Variants in TJP1 observed in about 807,000 individuals in gnomAD.
TJP1 encodes tight junction protein 1.
A neutral mutation model predicts 194.2 loss-of-function variants in TJP1; 43 were observed. That is an observed-to-expected ratio of 0.22 (90% CI 0.17 to 0.29). TJP1 has a LOEUF of 0.29. Ranked by LOEUF, TJP1 falls within the 10% of genes least tolerant of loss-of-function variation. The pLI, the probability that TJP1 is intolerant of heterozygous loss-of-function variation, is 1.00. For missense variants in TJP1, 1,971 were observed against 2,185.7 expected (o/e 0.90, Z 1.96); for synonymous variants, 801 against 779.0 (o/e 1.03, Z -0.47).
chr15:29,913,687 T>C (rs577929249), intron 2 of TJP1, among the ~76,000 whole-genome samples: 1 of 151,922 alleles, frequency 6.6e-6, no homozygotes, highest in East Asian at 1.9e-4. Context: ...AGAGGGAGGA[T>C]CTAAAGATGA....
At chr15:29,741,283 AT>A in intron 10 of TJP1, 47 bp downstream of exon 10, 1 of 1,379,058 alleles carries the variant, frequency 7.3e-7, no homozygotes, top group Non-Finnish European at 1.0e-6. Context: ...ACTCTGAATA[AT>A]GTTAATAATG....
At position 29,766,463 on chromosome 15, in the gene TJP1, C is replaced by T. The variant is rs1405131046; in HGVS notation, c.392G>A (p.Ser131Asn). 9.9e-6 allele frequency: 16 copies of T among 1,613,316 alleles called. No homozygotes were observed. Among genetic ancestry groups the T allele is most frequent in the Non-Finnish European group, 1.4e-5 (16 of 1,179,622 alleles). ...PEPVSDNEED[S>N]YDEEIHDPRS... The stretch of plus-strand genomic sequence containing the variant: ...TGGATCATGTATTTCCTCATCATAA[C>T]TATCTTCTTCATTATCAGATACTGG... Residue 131 changes from serine to asparagine, a missense_variant, in exon 5 of 28, where the codon AGT (serine) becomes AAT (asparagine). Ser to Asn is a conservative substitution (Grantham distance 46, BLOSUM62 1). Transcript: ENST00000614355.
intron 2 of TJP1, among the ~76,000 whole-genome samples, chr15:29,928,897 T>G (rs1195383793): frequency 1.3e-5 from 2 of 151,638 alleles, no homozygotes; most frequent in Non-Finnish European, 2.9e-5. Flanking sequence ...AGCCGAGATC[T>G]CGCCATTGCA....
At chr15:29,873,591 G>C (rs1214016931) in intron 2 of TJP1, among the ~76,000 whole-genome samples, 2 of 152,178 alleles carry the variant, frequency 1.3e-5, no homozygotes. Flanking sequence ...GACAATTTTT[G>C]CTATGCTTTA....
At chr15:29,802,760 T>C (rs565865179) in intron 1 of TJP1, among the ~76,000 whole-genome samples, 4 of 152,314 alleles carry the variant, frequency 2.6e-5, no homozygotes, top group African/African-American at 7.2e-5. Flanking sequence ...TGAGAACTGC[T>C]TGCATAGCTC....
At chr15:29,759,513 C>T (rs535774327) in intron 8 of TJP1, 2 of 152,272 alleles carry the variant, frequency 1.3e-5, no homozygotes, top group South Asian at 4.1e-4. Flanking sequence ...ACTCTCTTAG[C>T]AAATTTCAAG....
At chr15:29,893,963 TTG>T (rs753945807) in intron 2 of TJP1, among the ~76,000 whole-genome samples, 5 of 152,184 alleles carry the variant, frequency 3.3e-5, no homozygotes, top group Non-Finnish European at 7.3e-5. Flanking sequence ...GTTTTTTCCT[TTG>T]TGTTTTGATC....
chr15:29,762,199 T>G, intron 6 of TJP1, 136 bp downstream of exon 6: 1 of 643,158 alleles, frequency 1.6e-6, no homozygotes, highest in Non-Finnish European at 2.6e-6. Flanking sequence ...ATAAAGGGAA[T>G]TTATATCCCT....
At chr15:29,706,399 C>A (rs139924714) in intron 25 of TJP1, among the ~76,000 whole-genome samples, 138 of 152,248 alleles carry the variant, frequency 9.1e-4, no homozygotes, top group Non-Finnish European at 1.5e-3. Flanking sequence ...GGTGAAGCAT[C>A]CCTAACCTGA....
At chr15:29,768,498 A>C (rs2046455177) in intron 4 of TJP1, among the ~76,000 whole-genome samples, 3 of 152,192 alleles carry the variant, frequency 2.0e-5, no homozygotes. Flanking sequence ...TGAGCACTCA[A>C]GGCTTTCCCT....
At chr15:29,912,431 C>T (rs748367253) in intron 2 of TJP1, among the ~76,000 whole-genome samples, 7 of 152,098 alleles carry the variant, frequency 4.6e-5, no homozygotes, top group African/African-American at 1.2e-4. Flanking sequence ...AGCTTGGGGC[C>T]GGGCGTGGTG....
chr15:29,769,533 G>A (rs1270739582), intron 4 of TJP1, among the ~76,000 whole-genome samples: 2 of 152,200 alleles, frequency 1.3e-5, no homozygotes. Flanking sequence ...ACACTGAAAT[G>A]CCTGTGAATG....
Position 29,718,416 on chromosome 15 carries a change from T to C in TJP1, c.3726A>G (p.Lys1242=). The C allele has an allele frequency of 6.2e-7, 1 of 1,614,060 alleles. No individual in the cohort carries two copies. The highest frequency in any genetic ancestry group is 8.5e-7 in the Non-Finnish European group (1 of 1,180,006). ...HKPEALPSNT[K]PLPPPPTQTE... ...TTTGAGTTGGGGGTGGAGGCAGTGG[T>C]TTGGTGTTTGAAGGCAGAGCTTCTG... The change falls in exon 21 of 28, where the codon AAA becomes AAG. Residue 1242 remains lysine, a synonymous_variant. Coordinates refer to ENST00000614355, the MANE Select transcript of TJP1 (RefSeq NM_001330239.4).
chr15:29,890,753 G>A (rs1002406455), intron 2 of TJP1, among the ~76,000 whole-genome samples: 47 of 151,818 alleles, frequency 3.1e-4, no homozygotes, highest in Non-Finnish European at 7.4e-5. Flanking sequence ...CTATCAAACT[G>A]CTAATGGGGG....
intron 2 of TJP1, among the ~76,000 whole-genome samples, chr15:29,840,538 A>G (rs910084745): frequency 6.6e-6 from 1 of 152,180 alleles, no homozygotes; most frequent in Admixed American, 6.5e-5. Flanking sequence ...TGCTCCAGAC[A>G]GCACCCTGTT....
chr15:29,859,051 G>T (rs532009645), intron 2 of TJP1, among the ~76,000 whole-genome samples: 2 of 152,208 alleles, frequency 1.3e-5, no homozygotes, highest in African/African-American at 2.4e-5. Context: ...AATAACTGAG[G>T]ATTGATTGTG....
Position 29,822,086 on chromosome 15 carries a change from C to T in TJP1, c.-58G>A, listed in dbSNP as rs1381790409. The T allele has an allele frequency of 2.4e-6, 3 of 1,243,014 alleles. No individual in the cohort carries two copies. The highest frequency in any genetic ancestry group is 4.2e-5 in the Admixed American group (1 of 23,578). 77.0% of individuals were successfully genotyped at this position (1,243,014 alleles called of 1,614,324 possible). On this transcript the variant is annotated 5_prime_UTR_variant, in exon 1 of 28. Transcript: ENST00000614355. ...CGGACCCGAAACTCCGCGGCGCTGGCCCGCCCGCTCCTCACGCCACAGCCC... is the reference window on the plus strand; with the variant it reads ...CGGACCCGAAACTCCGCGGCGCTGGTCCGCCCGCTCCTCACGCCACAGCCC...
At chr15:29,820,709 G>T in intron 1 of TJP1, 4 of 596,238 alleles carry the variant, frequency 6.7e-6, no homozygotes, top group South Asian at 4.4e-5. Flanking sequence ...ACAAATAATG[G>T]GAGCTTATTT....
chr15:29,794,796 A>ATCTCGCTTCCAGTAAAAAAAACTATC (rs1297096222), intron 2 of TJP1, among the ~76,000 whole-genome samples: 40 of 152,208 alleles, frequency 2.6e-4, no homozygotes, highest in Non-Finnish European at 5.6e-4. Context: ...CTAATGAATA[A>ATCTCGCTTCCAGTAAAAAAAACTATC]TCTCGCTTCC....
Sources: allele counts gnomAD v4.1 joint callset (sites outside exome capture counted in the v4.1 genomes callset), GRCh38; gene constraint gnomAD v4.1.1; transcripts MANE v1.5; gene names NCBI Gene and HGNC (gene_info 2026-07-23, HGNC 2026-07-21).